Variants in WWOX observed in about 807,000 individuals in gnomAD.
The protein encoded by WWOX is WW domain containing oxidoreductase, also known as WW domain-containing oxidoreductase.
In WWOX, 69 loss-of-function variants were observed where a neutral mutation model predicts 46.2. That is an observed-to-expected ratio of 1.49 (90% CI 1.23 to 1.82). The LOEUF (loss-of-function observed/expected upper bound fraction) is 1.82, where lower values mean the gene tolerates loss of function less well. WWOX is among the 40% of genes most tolerant of loss of function. WWOX has a pLI of 0.00. For synonymous variants in WWOX, 359 were observed against 202.6 expected, an observed-to-expected ratio of 1.77 and a Z score of -6.56; for missense variants, 919 against 542.6, an observed-to-expected ratio of 1.69 and a Z score of -6.89.
intron 8 of WWOX, among the ~76,000 whole-genome samples, chr16:78,576,774 T>C (rs947940933): frequency 6.6e-6 from 1 of 152,270 alleles, no homozygotes; most frequent in Admixed American, 6.5e-5. Context: ...CAGACTGCAA[T>C]GAGCTATGAT....
intron 8 of WWOX, among the ~76,000 whole-genome samples, chr16:78,718,701 C>G (rs987494733): frequency 5.3e-5 from 8 of 152,210 alleles, no homozygotes; most frequent in Non-Finnish European, 8.8e-5. Context: ...TAGTGAGACA[C>G]TACCTAGATA....
rs188804443 is a variant in WWOX, at chr16:78,692,791, C to T, written c.1056+260039C>T. ...GTTTCCCTGTTGGGGGTACTGATAC[C>T]AGAGTTCATTTGAAGTCATTGGAAA... is the stretch of plus-strand genomic sequence containing the variant. On this transcript the variant is annotated intron_variant, in intron 8 of 8. Transcript: ENST00000566780. Among the ~76,000 whole-genome samples the T allele has an allele frequency of 2.6e-3, 395 of 152,254 alleles. 2 individuals carry two copies. Among genetic ancestry groups the T allele is most frequent in the African/African-American group, 9.0e-3 (374 of 41,540 alleles).
At chr16:79,107,517 GA>G (rs2049334741) in intron 8 of WWOX, among the ~76,000 whole-genome samples, 1 of 152,222 alleles carries the variant, frequency 6.6e-6, no homozygotes, top group East Asian at 1.9e-4. Context: ...AGCACAGTGT[GA>G]AATGACTGCC....
intron 8 of WWOX, among the ~76,000 whole-genome samples, chr16:78,771,776 TA>T (rs2050070358): frequency 1.3e-4 from 1 of 7,908 alleles, no homozygotes; most frequent in Non-Finnish European, 6.4e-4. Flanking sequence ...TGTCTCACAA[TA>T]AATAAATAAA....
intron 8 of WWOX, among the ~76,000 whole-genome samples, chr16:78,921,800 G>A (rs545489609): frequency 6.6e-6 from 1 of 152,206 alleles, no homozygotes; most frequent in Non-Finnish European, 1.5e-5. Flanking sequence ...TCCTTACTCT[G>A]ACACCCACTG....
intron 4 of WWOX, among the ~76,000 whole-genome samples, chr16:78,134,893 C>G (rs763111615): frequency 3.3e-5 from 5 of 152,218 alleles, no homozygotes; most frequent in South Asian, 4.2e-4. Context: ...TGGATAGATA[C>G]GCAAGAGAGA....
chr16:78,961,436 C>CATGGATGGATGGATGG (rs551578359), intron 8 of WWOX, among the ~76,000 whole-genome samples: 1 of 151,630 alleles, frequency 6.6e-6, no homozygotes, highest in Non-Finnish European at 1.5e-5. Flanking sequence ...CTATGGGATA[C>CATGGATGGATGGATGG]ATGGATGGAT....
rs544451873 is a variant in WWOX at position 78,561,458 on chromosome 16, C to T, written c.1056+128706C>T. Among the ~76,000 whole-genome samples the T allele has an allele frequency of 1.5e-3, 228 of 152,296 alleles. 3 individuals carry two copies. Among genetic ancestry groups the T allele is most frequent in the African/African-American group, 5.3e-3 (220 of 41,550 alleles). ...AACTGATGTGGAGTCTTAATTAACACTGGCAAAATCCCTTCATGACAGTAC... is the reference window on the plus strand; with the variant it reads ...AACTGATGTGGAGTCTTAATTAACATTGGCAAAATCCCTTCATGACAGTAC... On this transcript the variant is annotated intron_variant, in intron 8 of 8. Transcript: ENST00000566780.
At chr16:78,443,091 G>A (rs539121683) in intron 8 of WWOX, among the ~76,000 whole-genome samples, 219 of 136,158 alleles carry the variant, frequency 1.6e-3, no homozygotes, top group African/African-American at 6.0e-3. Flanking sequence ...AGCCAAGATC[G>A]CACCACTGCA....
At chr16:78,128,961 T>G (rs1365921748) in intron 4 of WWOX, among the ~76,000 whole-genome samples, 1 of 152,172 alleles carries the variant, frequency 6.6e-6, no homozygotes, top group Non-Finnish European at 1.5e-5. Flanking sequence ...AAGTTTCAAT[T>G]CTAAGTTCAC....
chr16:79,191,168 C>G (rs150742295), intron 8 of WWOX, among the ~76,000 whole-genome samples: 2 of 152,138 alleles, frequency 1.3e-5, no homozygotes, highest in African/African-American at 2.4e-5. Flanking sequence ...ATTCTTCTGC[C>G]TCAGCTTCCC....
intron 8 of WWOX, among the ~76,000 whole-genome samples, chr16:78,529,287 A>T (rs2043561749): frequency 6.6e-6 from 1 of 152,106 alleles, no homozygotes; most frequent in African/African-American, 2.4e-5. Flanking sequence ...TTTAATTAAA[A>T]ACAGTCCTGT....
intron 6 of WWOX, among the ~76,000 whole-genome samples, chr16:78,411,682 C>G (rs988856415): frequency 1.3e-5 from 2 of 152,098 alleles, no homozygotes; most frequent in African/African-American, 4.8e-5. Context: ...TTTAACTAGG[C>G]TTTAACCAGT....
At chr16:78,143,927 A>G (rs1380477150) in intron 4 of WWOX, among the ~76,000 whole-genome samples, 2 of 152,096 alleles carry the variant, frequency 1.3e-5, no homozygotes, top group South Asian at 4.1e-4. Context: ...ACACGGGGAT[A>G]CATTTTCACT....
intron 8 of WWOX, among the ~76,000 whole-genome samples, chr16:79,040,628 C>G (rs748027298): frequency 1.5e-4 from 23 of 152,230 alleles, no homozygotes; most frequent in Middle Eastern, 3.4e-3. Context: ...AAAATCATGA[C>G]TGTAAAACAG....
At chr16:78,627,012 T>C (rs1051392186) in intron 8 of WWOX, among the ~76,000 whole-genome samples, 1 of 152,164 alleles carries the variant, frequency 6.6e-6, no homozygotes, top group Admixed American at 6.5e-5. Flanking sequence ...CACTTCTTTT[T>C]TGCTTTTTGT....
chr16:78,595,656 A>C (rs921328668), intron 8 of WWOX, among the ~76,000 whole-genome samples: 1 of 152,214 alleles, frequency 6.6e-6, no homozygotes, highest in Admixed American at 6.5e-5. Flanking sequence ...ATGATGAGCC[A>C]TACTCAGAGT....
rs376316467 is a variant in WWOX, at chr16:78,320,079, C to T, written c.517-66781C>T. 2.6e-5 allele frequency among the ~76,000 whole-genome samples: 4 copies of T among 152,210 alleles called. No homozygotes were observed. The East Asian group carries it at 7.7e-4, about 29-fold the overall frequency. On this transcript the variant is annotated intron_variant, in intron 5 of 8. Coordinates refer to ENST00000566780, the MANE Select transcript of WWOX (RefSeq NM_016373.4). ...GTGAGAGTATTTGTTTCTCTTTCTC[C>T]CTAAGTAGGCTGGAAACTGCATGAG...
rs908347190 is a variant in WWOX, at chr16:78,459,793, A to G, written c.1056+27041A>G. ...GCTGCAACTGAAAAATTGTTAGACT[A>G]GATTTTATTTTATTTTAATTCTTTT... On this transcript the variant is annotated intron_variant, in intron 8 of 8. Transcript: ENST00000566780. Among the ~76,000 whole-genome samples the G allele has an allele frequency of 2.0e-5, 3 of 151,992 alleles. No individual in the cohort carries two copies. The East Asian group carries it at 5.8e-4, about 29-fold the overall frequency.
Sources: gnomAD v4.1 joint callset for allele counts (sites outside exome capture counted in the v4.1 genomes callset) on GRCh38, gnomAD v4.1.1 for gene constraint, MANE v1.5 for transcripts, NCBI Gene and HGNC (gene_info 2026-07-23, HGNC 2026-07-21) for gene names.